PRDM5: variants seen among roughly 807,000 people sequenced by gnomAD.
The protein encoded by PRDM5 is PR domain zinc finger protein 5.
A neutral mutation model predicts 81.2 loss-of-function variants in PRDM5; 56 were observed. That is an observed-to-expected ratio of 0.69 (90% CI 0.56 to 0.86). The LOEUF is 0.86. Ranked by LOEUF, PRDM5 falls within the 40% of genes least tolerant of loss-of-function variation. The pLI, the probability that PRDM5 is intolerant of heterozygous loss-of-function variation, is 0.00. For missense variants in PRDM5, 697 were observed against 770.1 expected (o/e 0.91, Z 1.12); for synonymous variants, 267 against 256.4 (o/e 1.04, Z -0.39).
chr4:120,907,260 G>T (rs895792293), intron 2 of PRDM5, among the ~76,000 whole-genome samples: 1 of 151,640 alleles, frequency 6.6e-6, no homozygotes, highest in East Asian at 1.9e-4. Context: ...CTTGAACCTG[G>T]GGGGCGGACG....
At chr4:120,874,777 G>T (rs570298465) in intron 2 of PRDM5, among the ~76,000 whole-genome samples, 2 of 152,332 alleles carry the variant, frequency 1.3e-5, no homozygotes, top group South Asian at 4.1e-4. Context: ...GATACTGTGG[G>T]TATACTGAGG....
intron 14 of PRDM5, among the ~76,000 whole-genome samples, chr4:120,712,890 C>T (rs1027907725): frequency 6.6e-5 from 10 of 152,172 alleles, no homozygotes; most frequent in Non-Finnish European, 8.8e-5. Flanking sequence ...CAGTTGTTCA[C>T]TCTTATAAAT....
chr4:120,728,790 CA>C (rs1325179705), intron 14 of PRDM5, among the ~76,000 whole-genome samples: 1 of 152,084 alleles, frequency 6.6e-6, no homozygotes, highest in Non-Finnish European at 1.5e-5. Context: ...GTAACATCCA[CA>C]CTACAGAGCT....
intron 2 of PRDM5, among the ~76,000 whole-genome samples, chr4:120,863,275 G>A (rs989739098): frequency 1.5e-4 from 23 of 150,726 alleles, no homozygotes; most frequent in African/African-American, 4.6e-4. Context: ...ACGGGAGGGA[G>A]ACAGCATAAG....
intron 13 of PRDM5, among the ~76,000 whole-genome samples, chr4:120,772,310 C>G (rs17051248): frequency 0.2 from 30,232 of 152,168 alleles, 3,676 homozygotes; most frequent in Non-Finnish European, 0.28. Context: ...TTGCTATCTG[C>G]AGGCAAGTTT....
At chr4:120,743,167 T>A (rs1407609141) in intron 14 of PRDM5, among the ~76,000 whole-genome samples, 3 of 151,754 alleles carry the variant, frequency 2.0e-5, no homozygotes, top group Non-Finnish European at 4.4e-5. Flanking sequence ...GAATTTCATA[T>A]CCAGCCAAAC....
chr4:120,693,458 T>A lies in PRDM5; in HGVS notation c.*1653A>T, dbSNP rs1734212481. ...TAGTGAGAAACAAGACCAAAATTTA[T>A]TTTTATAAAATACAGTCTATAATTT... On this transcript the variant is annotated 3_prime_UTR_variant, in exon 16 of 16. Transcript: ENST00000264808. 6.6e-6 allele frequency: 1 copy of A among 152,136 alleles called. No individual in the cohort carries two copies. Among genetic ancestry groups the A allele is most frequent in the South Asian group, 2.1e-4 (1 of 4,826 alleles). 9.4% of individuals were successfully genotyped at this position (152,136 alleles called of 1,614,324 possible). A position where few individuals can be genotyped will look rare whatever the true frequency, so the allele number is the denominator to read the frequency against.
At chr4:120,720,549 A>G (rs1738460565) in intron 14 of PRDM5, among the ~76,000 whole-genome samples, 4 of 152,210 alleles carry the variant, frequency 2.6e-5, no homozygotes. Flanking sequence ...ACGGCATGCC[A>G]TATATCTAAC....
At chr4:120,699,298 G>T (rs1368930438) in intron 15 of PRDM5, among the ~76,000 whole-genome samples, 3 of 149,734 alleles carry the variant, frequency 2.0e-5, no homozygotes, top group Non-Finnish European at 4.4e-5. Flanking sequence ...CTACTGACTA[G>T]TAGTATTAAC....
intron 3 of PRDM5, among the ~76,000 whole-genome samples, chr4:120,842,400 G>C (rs1484992463): frequency 1.3e-5 from 2 of 152,148 alleles, no homozygotes; most frequent in Admixed American, 1.3e-4. Flanking sequence ...AAGTGACAAG[G>C]TACATTCAAC....
At chr4:120,904,064 C>T (rs186825842) in intron 2 of PRDM5, among the ~76,000 whole-genome samples, 6 of 151,808 alleles carry the variant, frequency 4.0e-5, no homozygotes. Context: ...GTGGCATGCA[C>T]CTGTAATCCC....
chr4:120,700,487 T>G (rs1425494853), intron 15 of PRDM5, among the ~76,000 whole-genome samples: 4 of 152,056 alleles, frequency 2.6e-5, no homozygotes, highest in Non-Finnish European at 5.9e-5. Context: ...GAGCTCTGCA[T>G]AGCAAAACAA....
chr4:120,898,711 G>C (rs922600663), intron 2 of PRDM5, among the ~76,000 whole-genome samples: 1 of 152,096 alleles, frequency 6.6e-6, no homozygotes, highest in Non-Finnish European at 1.5e-5. Context: ...GTTCAAGTTC[G>C]TATCAGACAG....
At chr4:120,905,111 C>T (rs1765651294) in intron 2 of PRDM5, among the ~76,000 whole-genome samples, 1 of 152,070 alleles carries the variant, frequency 6.6e-6, no homozygotes, top group Admixed American at 6.6e-5. Context: ...TAAAAGTAAA[C>T]AAAACAGCAG....
At chr4:120,741,744 G>A (rs891600988) in intron 14 of PRDM5, among the ~76,000 whole-genome samples, 2 of 152,140 alleles carry the variant, frequency 1.3e-5, no homozygotes, top group East Asian at 1.9e-4. Context: ...GGCACACCAC[G>A]AGATTATATC....
intron 14 of PRDM5, among the ~76,000 whole-genome samples, chr4:120,745,080 A>G (rs957408147): frequency 1.4e-5 from 2 of 140,694 alleles, no homozygotes; most frequent in African/African-American, 2.7e-5. Flanking sequence ...AAGCTTATCC[A>G]CCATGATCAA....
At chr4:120,741,086 G>A (rs893638254) in intron 14 of PRDM5, among the ~76,000 whole-genome samples, 2 of 152,020 alleles carry the variant, frequency 1.3e-5, no homozygotes, top group Non-Finnish European at 1.5e-5. Context: ...CTCCCAATCC[G>A]ATTCAACCAA....
At chr4:120,836,952 C>T (rs1182195532) in intron 3 of PRDM5, among the ~76,000 whole-genome samples, 2 of 152,118 alleles carry the variant, frequency 1.3e-5, no homozygotes, top group East Asian at 3.8e-4. Context: ...ATATAAAGGG[C>T]TATGTGCCAC....
At chr4:120,744,904 A>C in intron 14 of PRDM5, among the ~76,000 whole-genome samples, 1 of 123,986 alleles carries the variant, frequency 8.1e-6, no homozygotes, top group South Asian at 3.2e-4. Context: ...CAATAGAAAA[A>C]GAGGGAATCC....
Sources: gnomAD v4.1 joint callset for allele counts (sites outside exome capture counted in the v4.1 genomes callset) on GRCh38, gnomAD v4.1.1 for gene constraint, MANE v1.5 for transcripts, NCBI Gene and HGNC (gene_info 2026-07-23, HGNC 2026-07-21) for gene names.